The following BRINP3 variants were observed in gnomAD, a reference collection of about 807,000 sequenced individuals.
The protein encoded by BRINP3 is BMP/retinoic acid-inducible neural-specific protein 3.
In BRINP3, 19 loss-of-function variants were observed where a neutral mutation model predicts 71.0. The ratio of observed to expected loss-of-function variants is 0.27; its 90% confidence interval spans 0.19 to 0.39. BRINP3 has a LOEUF of 0.39. Among genes scored for constraint, BRINP3 ranks in the 10% least tolerant of loss-of-function variants. The probability of loss-of-function intolerance (pLI) is 1.00; values close to 1 mark genes in which losing one functional copy is unlikely to be tolerated. For synonymous variants in BRINP3, 380 were observed against 337.7 expected (o/e 1.13, Z -1.37); for missense variants, 959 against 940.8 (o/e 1.02, Z -0.25).
At chr1:190,206,686 G>A (rs544885629) in intron 6 of BRINP3, among the ~76,000 whole-genome samples, 34 of 152,052 alleles carry the variant, frequency 2.2e-4, no homozygotes, top group South Asian at 6.2e-4. Context: ...CTGTTAATAC[G>A]GCTTTTTGTT....
chr1:190,425,326 A>C (rs1673631679), intron 2 of BRINP3, among the ~76,000 whole-genome samples: 1 of 151,820 alleles, frequency 6.6e-6, no homozygotes, highest in Non-Finnish European at 1.5e-5. Flanking sequence ...ACAATTTCAA[A>C]GCAATACCAA....
intron 2 of BRINP3, among the ~76,000 whole-genome samples, chr1:190,329,564 C>T (rs1405113093): frequency 1.3e-5 from 2 of 151,926 alleles, no homozygotes; most frequent in East Asian, 1.9e-4. Context: ...ATTACATGCT[C>T]ATAGATTGGA....
At chr1:190,111,035 G>A (rs1652624425) in intron 7 of BRINP3, among the ~76,000 whole-genome samples, 1 of 151,472 alleles carries the variant, frequency 6.6e-6, no homozygotes, top group Admixed American at 6.6e-5. Context: ...GAAATTAGCC[G>A]GGCGTGGTGT....
At chr1:190,246,774 A>G (rs562843858) in intron 4 of BRINP3, among the ~76,000 whole-genome samples, 23 of 151,940 alleles carry the variant, frequency 1.5e-4, no homozygotes, top group Non-Finnish European at 2.6e-4. Context: ...CATTAATTTA[A>G]TTTTACTTAT....
chr1:190,291,985 T>G (rs1262022164), intron 2 of BRINP3, among the ~76,000 whole-genome samples: 1 of 152,134 alleles, frequency 6.6e-6, no homozygotes, highest in Non-Finnish European at 1.5e-5. Context: ...ATACTGTCAT[T>G]TGTGGCAATA....
At chr1:190,225,446 T>C (rs909977610) in intron 6 of BRINP3, among the ~76,000 whole-genome samples, 1 of 151,702 alleles carries the variant, frequency 6.6e-6, no homozygotes, top group Admixed American at 6.6e-5. Context: ...CTCATGAAGA[T>C]AGAGAGTAGA....
chr1:190,283,599 T>G (rs957218390), intron 2 of BRINP3, among the ~76,000 whole-genome samples: 8 of 150,176 alleles, frequency 5.3e-5, no homozygotes, highest in Non-Finnish European at 1.2e-4. Context: ...TACTTAAATC[T>G]GAATTGTAGG....
intron 7 of BRINP3, among the ~76,000 whole-genome samples, chr1:190,100,258 A>C (rs1651585082): frequency 1.3e-5 from 2 of 152,160 alleles, no homozygotes; most frequent in Admixed American, 1.3e-4. Flanking sequence ...CATTTAATAC[A>C]TTTTGGATTT....
At chr1:190,367,209 C>T in intron 2 of BRINP3, among the ~76,000 whole-genome samples, 1 of 152,242 alleles carries the variant, frequency 6.6e-6, no homozygotes, top group East Asian at 1.9e-4. Flanking sequence ...CACACATTCT[C>T]TGAAATCTAG....
intron 6 of BRINP3, among the ~76,000 whole-genome samples, chr1:190,178,586 T>C (rs1368677125): frequency 6.6e-6 from 1 of 152,160 alleles, no homozygotes; most frequent in Non-Finnish European, 1.5e-5. Context: ...GAATACTGGT[T>C]CTATGTATTT....
chr1:190,198,748 A>G (rs569398946), intron 6 of BRINP3, among the ~76,000 whole-genome samples: 1 of 152,288 alleles, frequency 6.6e-6, no homozygotes, highest in African/African-American at 2.4e-5. Flanking sequence ...TCATATCACT[A>G]TCAACATTTT....
At chr1:190,335,504 A>C (rs951893360) in intron 2 of BRINP3, among the ~76,000 whole-genome samples, 1 of 151,844 alleles carries the variant, frequency 6.6e-6, no homozygotes, top group Non-Finnish European at 1.5e-5. Flanking sequence ...TTTGAACCTC[A>C]TATTGTTAAA....
intron 2 of BRINP3, among the ~76,000 whole-genome samples, chr1:190,364,579 G>C (rs1669363602): frequency 6.6e-6 from 1 of 151,820 alleles, no homozygotes; most frequent in African/African-American, 2.4e-5. Flanking sequence ...CTTTGGAACA[G>C]TTATAATGGT....
intron 2 of BRINP3, among the ~76,000 whole-genome samples, chr1:190,343,174 C>T (rs1436929774): frequency 2.0e-5 from 3 of 151,448 alleles, no homozygotes; most frequent in African/African-American, 7.3e-5. Flanking sequence ...GAAGAACCAC[C>T]CAGGGTTAGA....
chr1:190,277,860 T>C (rs1662720657), intron 3 of BRINP3, among the ~76,000 whole-genome samples: 1 of 151,754 alleles, frequency 6.6e-6, no homozygotes, highest in Admixed American at 6.6e-5. Context: ...GGAATTTAGA[T>C]ATCATTATCC....
chr1:190,211,752 C>A (rs1190050947), intron 6 of BRINP3, among the ~76,000 whole-genome samples: 1 of 152,054 alleles, frequency 6.6e-6, no homozygotes, highest in Non-Finnish European at 1.5e-5. Context: ...AATCAGAAAT[C>A]ATTATATAAA....
At chr1:190,227,613 C>G (rs931464978) in intron 5 of BRINP3, among the ~76,000 whole-genome samples, 5 of 151,604 alleles carry the variant, frequency 3.3e-5, no homozygotes, top group Non-Finnish European at 7.4e-5. Context: ...ATTAAGTTCA[C>G]AAAAGTAAAA....
intron 4 of BRINP3, among the ~76,000 whole-genome samples, chr1:190,253,000 C>A (rs2102822492): frequency 6.6e-6 from 1 of 152,156 alleles, no homozygotes; most frequent in South Asian, 2.1e-4. Context: ...TCTCATTGTT[C>A]AACTACCACC....
At chr1:190,402,506 T>C (rs115477660) in intron 2 of BRINP3, among the ~76,000 whole-genome samples, 1,542 of 152,278 alleles carry the variant, frequency 0.01, 20 homozygotes, top group African/African-American at 0.032. Flanking sequence ...TTACAAGGTA[T>C]CTTCAATGTA....
Sources: gnomAD v4.1 joint callset for allele counts (sites outside exome capture counted in the v4.1 genomes callset) on GRCh38, gnomAD v4.1.1 for gene constraint, MANE v1.5 for transcripts, NCBI Gene and HGNC (gene_info 2026-07-23, HGNC 2026-07-21) for gene names.